Variants in SYNPO2 observed in about 807,000 individuals in gnomAD.
The protein encoded by SYNPO2 is synaptopodin-2.
In SYNPO2, 56 loss-of-function variants were observed where a neutral mutation model predicts 85.0. The ratio of observed to expected loss-of-function variants is 0.66; its 90% confidence interval spans 0.53 to 0.82. The LOEUF (loss-of-function observed/expected upper bound fraction) is 0.82. Ranked by LOEUF, SYNPO2 falls within the 40% of genes least tolerant of loss-of-function variation. The pLI, the probability that SYNPO2 is intolerant of heterozygous loss-of-function variation, is 0.00. For missense variants in SYNPO2, 1,575 were observed against 1,534.2 expected (o/e 1.03, Z -0.44); for synonymous variants, 602 against 591.1 (o/e 1.02, Z -0.27).
intron 1 of SYNPO2, among the ~76,000 whole-genome samples, chr4:118,978,479 G>T (rs1489275581): frequency 6.6e-6 from 1 of 152,138 alleles, no homozygotes; most frequent in Non-Finnish European, 1.5e-5. Flanking sequence ...CAAACCATTT[G>T]CAGGGAAACT....
chr4:118,879,756 A>G (rs1203109286), intron 1 of SYNPO2, among the ~76,000 whole-genome samples: 1 of 152,024 alleles, frequency 6.6e-6, no homozygotes, highest in African/African-American at 2.4e-5. Flanking sequence ...CTGGTCACTG[A>G]ACTGTCCGTG....
At chr4:118,951,487 A>G (rs1246822459) in intron 1 of SYNPO2, among the ~76,000 whole-genome samples, 1 of 152,234 alleles carries the variant, frequency 6.6e-6, no homozygotes, top group Non-Finnish European at 1.5e-5. Context: ...TTTGGAGGAC[A>G]TTCAGACTAT....
intron 1 of SYNPO2, among the ~76,000 whole-genome samples, chr4:118,864,754 AT>A (rs1391149584): frequency 6.6e-6 from 1 of 152,136 alleles, no homozygotes; most frequent in Non-Finnish European, 1.5e-5. Context: ...TCTGATATAA[AT>A]ATAGCTAATC....
chr4:118,891,552 C>T (rs529160867), intron 1 of SYNPO2, among the ~76,000 whole-genome samples: 2 of 152,270 alleles, frequency 1.3e-5, no homozygotes, highest in South Asian at 2.1e-4. Context: ...TGGAACAAAG[C>T]GCTTATCACT....
chr4:118,899,072 C>T (rs1021997204), intron 1 of SYNPO2, among the ~76,000 whole-genome samples: 1 of 152,244 alleles, frequency 6.6e-6, no homozygotes, highest in Non-Finnish European at 1.5e-5. Flanking sequence ...CAGCTTTCAC[C>T]TTGAGCTCCC....
At chr4:118,942,079 A>G (rs763832242) in intron 1 of SYNPO2, among the ~76,000 whole-genome samples, 11 of 152,212 alleles carry the variant, frequency 7.2e-5, no homozygotes, top group Admixed American at 6.5e-5. Flanking sequence ...TGGTTTACAT[A>G]TGAAAGGAAT....
chr4:119,011,102 G>T (rs1001016460), intron 1 of SYNPO2, among the ~76,000 whole-genome samples: 1 of 152,196 alleles, frequency 6.6e-6, no homozygotes, highest in Non-Finnish European at 1.5e-5. Context: ...CACTTACATG[G>T]ACACCAAGGG....
At chr4:118,930,210 G>A (rs954834201) in intron 1 of SYNPO2, among the ~76,000 whole-genome samples, 13 of 152,182 alleles carry the variant, frequency 8.5e-5, no homozygotes, top group Non-Finnish European at 4.4e-5. Flanking sequence ...AAAGTCCTAT[G>A]AGAATTGTTT....
chr4:118,878,606 G>A (rs940408678), intron 1 of SYNPO2, among the ~76,000 whole-genome samples: 3 of 152,044 alleles, frequency 2.0e-5, no homozygotes, highest in Non-Finnish European at 4.4e-5. Flanking sequence ...CTGTAAAAAC[G>A]CACCAATCAG....
intron 1 of SYNPO2, among the ~76,000 whole-genome samples, chr4:119,020,096 T>C (rs1246925092): frequency 6.6e-6 from 1 of 152,150 alleles, no homozygotes; most frequent in Non-Finnish European, 1.5e-5. Context: ...TACATGTTTA[T>C]CCTTCTTGAT....
Position 119,007,265 on chromosome 4 carries a change from T to TATATATAC in SYNPO2, c.106-16158_106-16157insCATATATA, listed in dbSNP as rs1560972570. On this transcript the variant is annotated intron_variant, in intron 1 of 4. Transcript: ENST00000307142. ...ATATATGTATATACATATATATATA[T>TATATATAC]ATATATATATGTATATACATATATA... Among the ~76,000 whole-genome samples, 114 of 89,266 alleles carry TATATATAC rather than the reference T, an allele frequency of 1.3e-3. 1 individual carries two copies. Among genetic ancestry groups the TATATATAC allele is most frequent in the African/African-American group, 6.2e-3 (113 of 18,144 alleles). The allele number at this position is 89,266 out of a possible 152,430, so 58.6% of individuals were successfully genotyped here.
At chr4:118,964,329 CA>C (rs1735223317) in intron 1 of SYNPO2, among the ~76,000 whole-genome samples, 2 of 148,924 alleles carry the variant, frequency 1.3e-5, no homozygotes, top group Non-Finnish European at 3.0e-5. Context: ...CACACACACA[CA>C]CACACACACA....
chr4:119,048,282 C>T (rs1738932327), intron 4 of SYNPO2, among the ~76,000 whole-genome samples: 1 of 152,178 alleles, frequency 6.6e-6, no homozygotes, highest in Non-Finnish European at 1.5e-5. Flanking sequence ...AGAGGGGCTA[C>T]ATCTTGTGAA....
chr4:118,852,020 T>C (rs1311614321), intron 1 of SYNPO2, among the ~76,000 whole-genome samples: 1 of 152,248 alleles, frequency 6.6e-6, no homozygotes, highest in East Asian at 1.9e-4. Flanking sequence ...CTAACTGTTA[T>C]ATTAAAATTC....
In SYNPO2 at chr4:119,031,221, G is replaced by A. The variant is rs1198508390; in HGVS notation, c.2446G>A (p.Ala816Thr). The A allele has an allele frequency of 6.2e-7, 1 of 1,613,922 alleles. No homozygotes were observed. Among genetic ancestry groups the A allele is most frequent in the Non-Finnish European group, 8.5e-7 (1 of 1,180,022 alleles). ...AATAGCCCAGCCTTCTTACCCTCCTGCCCGGCCTGCAAGTACTTTGAACGT... is the reference window on the plus strand; with the variant it reads ...AATAGCCCAGCCTTCTTACCCTCCTACCCGGCCTGCAAGTACTTTGAACGT... The part of the protein sequence containing the change: ...IKIAQPSYPP[A>T]RPASTLNVAG... The change falls in exon 4 of 5, where the codon GCC (alanine) becomes ACC (threonine). Residue 816 changes from alanine to threonine, a missense_variant. Physicochemically the swap from Ala to Thr is moderately conservative, Grantham distance 58 (BLOSUM62 0). Coordinates refer to ENST00000307142, the MANE Select transcript of SYNPO2 (RefSeq NM_133477.3).
At chr4:118,882,426 A>G (rs1216966151) in intron 1 of SYNPO2, among the ~76,000 whole-genome samples, 3 of 152,238 alleles carry the variant, frequency 2.0e-5, no homozygotes, top group African/African-American at 7.2e-5. Flanking sequence ...AAAATGTAAA[A>G]CATGCGATAT....
At chr4:118,883,513 A>G (rs780607851) in intron 1 of SYNPO2, among the ~76,000 whole-genome samples, 1 of 152,188 alleles carries the variant, frequency 6.6e-6, no homozygotes, top group Non-Finnish European at 1.5e-5. Context: ...TGCTATCAAA[A>G]TGGGGAAAGA....
chr4:118,972,305 G>C (rs1401142709), intron 1 of SYNPO2, among the ~76,000 whole-genome samples: 1 of 151,976 alleles, frequency 6.6e-6, no homozygotes, highest in Non-Finnish European at 1.5e-5. Flanking sequence ...ATAGCCGGGT[G>C]TAGTGGTGCG....
chr4:118,862,234 G>A (rs994942208), intron 1 of SYNPO2, among the ~76,000 whole-genome samples: 1 of 152,124 alleles, frequency 6.6e-6, no homozygotes, highest in Admixed American at 6.6e-5. Context: ...AGATTTTGGT[G>A]GAGTCTAGTT....
Sources: gnomAD v4.1 joint callset for allele counts (sites outside exome capture counted in the v4.1 genomes callset) on GRCh38, gnomAD v4.1.1 for gene constraint, MANE v1.5 for transcripts, NCBI Gene and HGNC (gene_info 2026-07-23, HGNC 2026-07-21) for gene names.